The following PPAN variants were observed in gnomAD, a reference collection of about 807,000 sequenced individuals.
PPAN encodes the protein suppressor of SWI4 1 homolog.
PPAN carries 39 observed loss-of-function variants against 48.5 expected under a neutral mutation model. That is an observed-to-expected ratio of 0.80 (90% confidence interval 0.62 to 1.05). The LOEUF (loss-of-function observed/expected upper bound fraction) is 1.05, where lower values mean the gene tolerates loss of function less well. PPAN is among the 50% of genes least tolerant of loss of function. The probability of loss-of-function intolerance (pLI) is 0.00; values close to 1 mark genes in which losing one functional copy is unlikely to be tolerated. For synonymous variants in PPAN, 315 were observed against 268.6 expected (o/e 1.17, Z -1.69); for missense variants, 736 against 661.7 (o/e 1.11, Z -1.23).
rs745707248 is a variant in PPAN, at chr19:10,110,861, G to T, written c.1196G>T (p.Ser399Ile). 3.7e-6 allele frequency: 6 copies of T among 1,613,476 alleles called. No individual in the cohort carries two copies. Among genetic ancestry groups the T allele is most frequent in the Non-Finnish European group, 5.1e-6 (6 of 1,179,882 alleles). Reference protein sequence around the residue: ...YFCQAVGEAPSEDLFPEAKQK... With the variant: ...YFCQAVGEAPIEDLFPEAKQK... ...TGCCAGGCGGTGGGCGAGGCGCCCA[G>T]TGAGGGTATGGAGTGGGGTCTGCAG... is the stretch of plus-strand genomic sequence containing the variant. Residue 399 changes from serine (S) to isoleucine (I), a missense_variant, in exon 11 of 12, where the codon AGT (serine) becomes ATT (isoleucine). Ser to Ile is a moderately radical substitution (Grantham distance 142, BLOSUM62 -2). Transcript: ENST00000253107. The surrounding 1 kb of genome is among the most constrained non-coding windows in gnomAD (Gnocchi z 5.9).
In PPAN at chr19:10,110,021, G is replaced by A. The variant is rs984580152; in HGVS notation, c.698+1G>A. 10 of 1,613,738 alleles carry A rather than the reference G, an allele frequency of 6.2e-6. No homozygotes were observed. The African/African-American group carries it at 6.7e-5, about 11-fold the overall frequency. On this transcript the variant is annotated splice_donor_variant, in intron 7 of 11. Transcript: ENST00000253107. LOFTEE classifies it high-confidence loss of function. This position sits in a 1 kb window ranked among gnomAD's most constrained non-coding sequence, Gnocchi z 5.9. ...AGGACATCAGCGAGCTGCTGGCCAC[G>A]TGAGGAGGGCATAGGGCGGGAGGCC...
rs1271343861 is a variant in PPAN at position 10,110,094 on chromosome 19, C to A, written c.699-29C>A. The A allele has an allele frequency of 6.2e-7, 1 of 1,609,902 alleles. No homozygotes were observed. The highest frequency in any genetic ancestry group is 8.5e-7 in the Non-Finnish European group (1 of 1,178,244). ...ACAGGACCGGGAGCCTGAGCTCCCC[C>A]ACTGAGCCCTGTTATGTCCTACACA... is the stretch of plus-strand genomic sequence containing the variant. On this transcript the variant is annotated intron_variant, in intron 7 of 11. Coordinates refer to ENST00000253107, the MANE Select transcript of PPAN (RefSeq NM_020230.7). The surrounding 1 kb of genome is among the most constrained non-coding windows in gnomAD (Gnocchi z 5.9).
chr19:10,110,372 G>T lies in PPAN; in HGVS notation c.871G>T (p.Gly291Trp). ...GCTCATCAAGGTCCAGGAGGGCGTC[G>T]GGGAGGGCAAAGTGATGTTCCACAG... Reference protein sequence around the residue: ...LQLIKVQEGVGEGKVMFHSFV... With the variant: ...LQLIKVQEGVWEGKVMFHSFV... Residue 291 changes from glycine to tryptophan, a missense_variant, in exon 9 of 12, where the codon GGG becomes TGG. Gly to Trp is a radical substitution (Grantham distance 184, BLOSUM62 -2). Coordinates refer to ENST00000253107, the MANE Select transcript of PPAN (RefSeq NM_020230.7). This position sits in a 1 kb window ranked among gnomAD's most constrained non-coding sequence, Gnocchi z 5.9. 1 of 1,613,732 alleles carries T rather than the reference G, an allele frequency of 6.2e-7. No homozygotes were observed. Among genetic ancestry groups the T allele is most frequent in the Non-Finnish European group, 8.5e-7 (1 of 1,179,968 alleles).
rs565346238 is a variant in PPAN, at chr19:10,111,969, G to A, written c.*804G>A. 10 of 516,398 alleles carry A rather than the reference G, an allele frequency of 1.9e-5. No individual in the cohort carries two copies. Among genetic ancestry groups the A allele is most frequent in the Middle Eastern group, 5.4e-4 (1 of 1,846 alleles). The allele number at this position is 516,398 out of a possible 1,614,324, so 32.0% of individuals were successfully genotyped here. A position where few individuals can be genotyped will look rare whatever the true frequency, so the allele number is the denominator to read the frequency against. ...TACTAAAAATAAAAAAATTAGCTGG[G>A]CCTGGTGGCACATGCCTGTAATCCC... On this transcript the variant is annotated 3_prime_UTR_variant, in exon 12 of 12. Coordinates refer to ENST00000253107, the MANE Select transcript of PPAN (RefSeq NM_020230.7).
intron 2 of PPAN, chr19:10,107,039 T>C: frequency 1.9e-6 from 1 of 533,370 alleles, no homozygotes; most frequent in East Asian, 4.7e-5. Flanking sequence ...ATAGAAAAAT[T>C]AGTCGGATAT....
chr19:10,110,955 C>T lies in PPAN; in HGVS notation c.1212C>T (p.Pro404=), dbSNP rs758342798. 1.2e-5 allele frequency: 19 copies of T among 1,613,216 alleles called. No individual in the cohort carries two copies. Among genetic ancestry groups the T allele is most frequent in the African/African-American group, 6.7e-5 (5 of 74,828 alleles). Residue 404 remains proline (P), a synonymous_variant, in exon 12 of 12, where the codon CCC becomes CCT. Transcript: ENST00000253107. The surrounding 1 kb of genome is among the most constrained non-coding windows in gnomAD (Gnocchi z 5.9). ...TGTCTCTCCCCACAGACCTGTTCCC[C>T]GAGGCCAAGCAGAAACGGCTTGCCA... ...VGEAPSEDLF[P]EAKQKRLAKS...
chr19:10,109,422 C>T (rs760430875), intron 5 of PPAN, among the ~76,000 whole-genome samples: 4 of 152,126 alleles, frequency 2.6e-5, no homozygotes, highest in Non-Finnish European at 5.9e-5. Context: ...TGGAGACTCG[C>T]CGTGTTGCCC....
At chr19:10,109,136 G>T (rs546206018) in intron 5 of PPAN, among the ~76,000 whole-genome samples, 19 of 151,880 alleles carry the variant, frequency 1.3e-4, no homozygotes, top group Admixed American at 8.5e-4. Flanking sequence ...CTAATTTTTT[G>T]TATTTTTAGT....
Position 10,111,382 on chromosome 19 carries a change from C to G in PPAN, c.*217C>G, listed in dbSNP as rs923384907. On this transcript the variant is annotated 3_prime_UTR_variant, in exon 12 of 12. Transcript: ENST00000253107. Reference sequence around the variant, plus strand: ...TCCTGGGCCGGCCACACCCGAGAGTCCCTCCCACCTGGTTTCTTCCTGGAA... The same window carrying G: ...TCCTGGGCCGGCCACACCCGAGAGTGCCTCCCACCTGGTTTCTTCCTGGAA... 2.1e-5 allele frequency: 14 copies of G among 671,628 alleles called. No homozygotes were observed. The African/African-American group carries it at 2.2e-4, about 10-fold the overall frequency. 41.6% of individuals were successfully genotyped at this position (671,628 alleles called of 1,614,324 possible). A position where few individuals can be genotyped will look rare whatever the true frequency, so the allele number is the denominator to read the frequency against.
At chr19:10,109,758 C>T in intron 6 of PPAN, 51 bp downstream of exon 6, 1 of 1,598,916 alleles carries the variant, frequency 6.3e-7, no homozygotes. Flanking sequence ...TGGGGGCCTC[C>T]ACATGCGGCT....
rs781320849 is a variant in PPAN at position 10,110,016 on chromosome 19, G to C, written c.694G>C (p.Ala232Pro). 3.7e-6 allele frequency: 6 copies of C among 1,613,896 alleles called. No homozygotes were observed. Among genetic ancestry groups the C allele is most frequent in the Non-Finnish European group, 4.2e-6 (5 of 1,179,916 alleles). Residue 232 changes from alanine (A) to proline (P), a missense_variant, in exon 7 of 12, where the codon GCC becomes CCC. Ala to Pro is a conservative substitution (Grantham distance 27). Transcript: ENST00000253107. The surrounding 1 kb of genome is among the most constrained non-coding windows in gnomAD (Gnocchi z 5.9). The stretch of plus-strand genomic sequence containing the variant: ...CCTGCAGGACATCAGCGAGCTGCTG[G>C]CCACGTGAGGAGGGCATAGGGCGGG... ...SRLQDISELL[A>P]TGAGLSESEA...
At chr19:10,108,896 A>C (rs1287044029) in intron 5 of PPAN, among the ~76,000 whole-genome samples, 2 of 151,912 alleles carry the variant, frequency 1.3e-5, no homozygotes, top group African/African-American at 4.8e-5. Flanking sequence ...GGGACTTATA[A>C]ATTATATATA....
In PPAN at chr19:10,107,997, C is replaced by T. The variant is rs769371751; in HGVS notation, c.376C>T (p.Arg126Cys). The change falls in exon 5 of 12, where the codon CGC (arginine) becomes TGC (cysteine). Residue 126 changes from arginine (R) to cysteine (C), a missense_variant. Transcript: ENST00000253107. ...SLVRDVVSSLRRHRMHEQQFA... is the reference protein window; with the variant it reads ...SLVRDVVSSLCRHRMHEQQFA... Reference sequence around the variant, plus strand: ...GGTGCGTGATGTGGTCTCCTCACTGCGCCGGCACCGCATGCACGAGCAGCA... The same window carrying T: ...GGTGCGTGATGTGGTCTCCTCACTGTGCCGGCACCGCATGCACGAGCAGCA... 27 of 1,610,534 alleles carry T rather than the reference C, an allele frequency of 1.7e-5. No homozygotes were observed. The East Asian group carries it at 2.5e-4, about 15-fold the overall frequency.
At chr19:10,109,578 C>G in intron 5 of PPAN, 53 bp from the exon 6 acceptor site, 1 of 1,554,052 alleles carries the variant, frequency 6.4e-7, no homozygotes, top group Non-Finnish European at 8.8e-7. Context: ...GCCCCCACTT[C>G]CCCAAACTTT....
rs760050931 is a variant in PPAN, at chr19:10,110,326, C to G, written c.825C>G (p.Ile275Met). The G allele has an allele frequency of 6.2e-7, 1 of 1,613,706 alleles. No homozygotes were observed. The part of the protein sequence containing the change: ...AQQSAVRLTE[I>M]GPRMTLQLIK... ...ACGCTTCTTCCTCGTCCCCTCAGAT[C>G]GGCCCGCGGATGACACTGCAGCTCA... Residue 275 changes from isoleucine (I) to methionine (M), a missense_variant and splice_region_variant, in exon 9 of 12, where the codon ATC (isoleucine) becomes ATG (methionine). By Grantham distance (10) the Ile-to-Met change is conservative (BLOSUM62 1). Coordinates refer to ENST00000253107, the MANE Select transcript of PPAN (RefSeq NM_020230.7). The surrounding 1 kb of genome is among the most constrained non-coding windows in gnomAD (Gnocchi z 5.9).
At position 10,111,487 on chromosome 19, in the gene PPAN, C is replaced by G. The variant is rs897504670; in HGVS notation, c.*322C>G. On this transcript the variant is annotated 3_prime_UTR_variant, in exon 12 of 12. Transcript: ENST00000253107. ...CCATGAGTGGCCCCTCCCCCCAGTC[C>G]CACCAAAGAGCCGTGCAAGCAGACA... is the stretch of plus-strand genomic sequence containing the variant. 2.1e-5 allele frequency: 13 copies of G among 627,958 alleles called. No individual in the cohort carries two copies. Among genetic ancestry groups the G allele is most frequent in the Non-Finnish European group, 3.3e-5 (12 of 358,716 alleles). 38.9% of individuals were successfully genotyped at this position (627,958 alleles called of 1,614,324 possible). A position where few individuals can be genotyped will look rare whatever the true frequency, so the allele number is the denominator to read the frequency against.
rs940482070 is a variant in PPAN, at chr19:10,106,926, C to G, written c.189+255C>G. On this transcript the variant is annotated intron_variant, in intron 2 of 11. Coordinates refer to ENST00000253107, the MANE Select transcript of PPAN (RefSeq NM_020230.7). ...CTGGAGCCGGGCGTGGTGGCTCATG[C>G]CTGTATTCCCAGCATTTGGGGATGC... 6.0e-6 allele frequency: 4 copies of G among 664,206 alleles called. No individual in the cohort carries two copies. In the Admixed American group the frequency reaches 9.8e-5, roughly 16 times the overall value. The allele number at this position is 664,206 out of a possible 1,614,324, so 41.1% of individuals were successfully genotyped here.
intron 3 of PPAN, 53 bp from the exon 4 acceptor site, chr19:10,107,751 C>T (rs375257363): frequency 1.4e-5 from 22 of 1,613,018 alleles, no homozygotes; most frequent in Non-Finnish European, 1.7e-5. Flanking sequence ...GTGCCTACTC[C>T]GGGCACCTCT....
intron 4 of PPAN, 32 bp from the exon 5 acceptor site, chr19:10,107,932 G>T (rs764716936): frequency 6.3e-7 from 1 of 1,599,130 alleles, no homozygotes; most frequent in Non-Finnish European, 8.6e-7. Context: ...TGTGTGGTTG[G>T]TGGTCACCCC....
Sources: gnomAD v4.1 joint callset for allele counts (sites outside exome capture counted in the v4.1 genomes callset) on GRCh38, gnomAD v4.1.1 for gene constraint, Gnocchi (gnomAD v3.1) non-coding constraint, MANE v1.5 for transcripts, NCBI Gene and HGNC (gene_info 2026-07-23, HGNC 2026-07-21) for gene names.